Variants in NREP observed in about 807,000 individuals in gnomAD.
NREP encodes neuronal regeneration related protein.
Under a neutral mutation model 8.6 loss-of-function variants are expected in NREP, and 5 were observed. The observed-to-expected ratio is 0.58, with a 90% CI of 0.30 to 1.22. The LOEUF is 1.22. NREP is among the 50% of genes most tolerant of loss of function. NREP has a pLI of 0.07. For synonymous variants in NREP, 27 were observed against 28.0 expected, an observed-to-expected ratio of 0.96 and a Z score of 0.11; for missense variants, 86 against 82.5, an observed-to-expected ratio of 1.04 and a Z score of -0.17.
At chr5:111,828,283 C>T (rs757275257) in intron 2 of NREP, among the ~76,000 whole-genome samples, 45 of 152,302 alleles carry the variant, frequency 3.0e-4, no homozygotes, top group Non-Finnish European at 5.1e-4. Flanking sequence ...ACCGCCTCAG[C>T]ATCCCAAAGT....
At chr5:111,882,711 A>C (rs1302275783) in intron 2 of NREP, among the ~76,000 whole-genome samples, 1 of 152,156 alleles carries the variant, frequency 6.6e-6, no homozygotes, top group African/African-American at 2.4e-5. Context: ...CCAGAATTTC[A>C]TATCCAGCCA....
intron 2 of NREP, among the ~76,000 whole-genome samples, chr5:111,825,420 C>T (rs1369315931): frequency 6.6e-6 from 1 of 152,078 alleles, no homozygotes; most frequent in Non-Finnish European, 1.5e-5. Flanking sequence ...CATTTTAACT[C>T]CACAACTGCA....
At position 111,910,968 on chromosome 5, in the gene NREP, C is replaced by G. The variant is rs1754896718; in HGVS notation, c.135+64306G>C. Among the ~76,000 whole-genome samples, 4 of 152,202 alleles carry G rather than the reference C, an allele frequency of 2.6e-5. No homozygotes were observed. In the South Asian group the frequency reaches 8.3e-4, roughly 32 times the overall value. The stretch of plus-strand genomic sequence containing the variant: ...GCATCACCTGGCAGAAGGCTCATAC[C>G]TGGCAGAGAAGAGCACCTCCAGGAT... On this transcript the variant is annotated intron_variant, in intron 2 of 3. Coordinates refer to the NREP transcript ENST00000395634.
chr5:111,863,176 A>G (rs1418556594), intron 2 of NREP, among the ~76,000 whole-genome samples: 1 of 152,010 alleles, frequency 6.6e-6, no homozygotes, highest in Non-Finnish European at 1.5e-5. Context: ...TAATGGTAGT[A>G]GAGAGAGAGA....
intron 2 of NREP, among the ~76,000 whole-genome samples, chr5:111,839,551 T>C (rs969475621): frequency 7.2e-5 from 11 of 152,124 alleles, no homozygotes; most frequent in Admixed American, 4.6e-4. Context: ...AAATGACGTA[T>C]TTTTCTTTCC....
intron 2 of NREP, among the ~76,000 whole-genome samples, chr5:111,965,715 G>A (rs1488121636): frequency 6.6e-6 from 1 of 152,070 alleles, no homozygotes; most frequent in Non-Finnish European, 1.5e-5. Flanking sequence ...ATACAGTCAT[G>A]ATATCTATTA....
At chr5:111,935,157 T>G (rs937865593) in intron 2 of NREP, among the ~76,000 whole-genome samples, 1 of 152,134 alleles carries the variant, frequency 6.6e-6, no homozygotes, top group Non-Finnish European at 1.5e-5. Context: ...CTTTGATACA[T>G]TGCACTCAGA....
At chr5:111,800,445 C>T (rs1751978355) in intron 2 of NREP, among the ~76,000 whole-genome samples, 1 of 152,222 alleles carries the variant, frequency 6.6e-6, no homozygotes, top group Non-Finnish European at 1.5e-5. Context: ...TAGTTTAATG[C>T]TCTGCTGTTG....
chr5:111,822,579 T>C (rs1189735668), intron 2 of NREP, among the ~76,000 whole-genome samples: 1 of 152,214 alleles, frequency 6.6e-6, no homozygotes, highest in East Asian at 1.9e-4. Context: ...ACTACTGATT[T>C]GCCCTTACTG....
intron 2 of NREP, among the ~76,000 whole-genome samples, chr5:111,891,889 C>G (rs1239417997): frequency 6.6e-6 from 1 of 152,168 alleles, no homozygotes; most frequent in East Asian, 1.9e-4. Flanking sequence ...AGCCCCACTT[C>G]CAACTCGGGA....
chr5:111,879,289 A>C (rs1272440433), intron 2 of NREP, among the ~76,000 whole-genome samples: 1 of 152,228 alleles, frequency 6.6e-6, no homozygotes, highest in African/African-American at 2.4e-5. Flanking sequence ...CCCAGTCACA[A>C]GTATTTCTTT....
intron 2 of NREP, among the ~76,000 whole-genome samples, chr5:111,823,173 C>T (rs1299751209): frequency 6.6e-6 from 1 of 152,090 alleles, no homozygotes; most frequent in Non-Finnish European, 1.5e-5. Flanking sequence ...CTTTTCAATA[C>T]CCAGCTCTCA....
At chr5:111,812,594 A>G (rs1051071551) in intron 2 of NREP, among the ~76,000 whole-genome samples, 1 of 152,134 alleles carries the variant, frequency 6.6e-6, no homozygotes, top group Non-Finnish European at 1.5e-5. Flanking sequence ...CAGATTTTTA[A>G]ATTTTACCAA....
intron 2 of NREP, among the ~76,000 whole-genome samples, chr5:111,935,777 T>C (rs1755665768): frequency 6.6e-6 from 1 of 152,114 alleles, no homozygotes; most frequent in Non-Finnish European, 1.5e-5. Flanking sequence ...TTCTATCATT[T>C]TAATGGTATG....
chr5:111,784,940 G>C lies in NREP; in HGVS notation c.136-49433C>G, dbSNP rs2047516. 7.9e-3 allele frequency among the ~76,000 whole-genome samples: 1,204 copies of C among 152,276 alleles called. 18 individuals are homozygous for C. The highest frequency in any genetic ancestry group is 0.028 in the African/African-American group (1,153 of 41,556). ...AGTCAGGCTGGGTGTGCTTGAGCAG[G>C]GGGGAGCTGCTCTAGCCAAGGGAAG... is the stretch of plus-strand genomic sequence containing the variant. On this transcript the variant is annotated intron_variant, in intron 2 of 3. Coordinates refer to the NREP transcript ENST00000395634.
chr5:111,793,659 T>C (rs1427254656), intron 2 of NREP, among the ~76,000 whole-genome samples: 1 of 152,132 alleles, frequency 6.6e-6, no homozygotes, highest in Non-Finnish European at 1.5e-5. Context: ...TTTAGCCCAG[T>C]TAAGTTGACA....
chr5:111,910,428 G>A (rs962824664), intron 2 of NREP, among the ~76,000 whole-genome samples: 3 of 151,862 alleles, frequency 2.0e-5, no homozygotes, highest in Non-Finnish European at 4.4e-5. Context: ...TATCTTTTTT[G>A]GGGGGTACTA....
intron 2 of NREP, among the ~76,000 whole-genome samples, chr5:111,962,752 A>C (rs1051675144): frequency 1.3e-5 from 2 of 152,126 alleles, no homozygotes; most frequent in African/African-American, 4.8e-5. Flanking sequence ...GTCGGTAGAG[A>C]GAGAAAGAAG....
At chr5:111,917,141 G>C (rs1324440118) in intron 2 of NREP, among the ~76,000 whole-genome samples, 3 of 151,984 alleles carry the variant, frequency 2.0e-5, no homozygotes, top group Non-Finnish European at 4.4e-5. Context: ...TTGCACTTTG[G>C]AGGTGAGCAT....
Sources: gnomAD v4.1 joint callset for allele counts (sites outside exome capture counted in the v4.1 genomes callset) on GRCh38, gnomAD v4.1.1 for gene constraint, MANE v1.5 for transcripts, NCBI Gene and HGNC (gene_info 2026-07-23, HGNC 2026-07-21) for gene names.